The following SIGLECL1 variants were observed in gnomAD, a reference collection of about 807,000 sequenced individuals.
SIGLECL1 encodes SIGLEC family-like protein 1.
A neutral mutation model predicts 19.1 loss-of-function variants in SIGLECL1; 16 were observed. That is an observed-to-expected ratio of 0.84 (90% confidence interval 0.57 to 1.27). The LOEUF is 1.27. SIGLECL1 is among the 50% of genes most tolerant of loss of function. SIGLECL1 has a pLI of 0.00. For synonymous variants in SIGLECL1, 89 were observed against 90.4 expected (o/e 0.98, Z 0.09); for missense variants, 210 against 239.4 (o/e 0.88, Z 0.81).
rs116184534 is a variant in SIGLECL1, at chr19:51,264,803, G to C, written c.23-565G>C. 6.4e-3 allele frequency among the ~76,000 whole-genome samples: 982 copies of C among 152,282 alleles called. 12 individuals carry two copies. Among genetic ancestry groups the C allele is most frequent in the African/African-American group, 0.022 (925 of 41,548 alleles). Reference sequence around the variant, plus strand: ...GTTCCACCAAAGACCACTTGAGACCGGGAAGAAGGAAATTAAGAAAGGTGT... The same window carrying C: ...GTTCCACCAAAGACCACTTGAGACCCGGAAGAAGGAAATTAAGAAAGGTGT... On this transcript the variant is annotated intron_variant, in intron 2 of 5. Transcript: ENST00000601727.
upstream of SIGLECL1, among the ~76,000 whole-genome samples, chr19:51,250,851 A>T (rs1568440945): frequency 6.6e-6 from 1 of 152,218 alleles, no homozygotes. Context: ...GCAGCCGTGC[A>T]TCAGCTCCCA....
chr19:51,246,382 T>C (rs1982257435), upstream of SIGLECL1: 1 of 152,234 alleles, frequency 6.6e-6, no homozygotes, highest in Non-Finnish European at 1.5e-5. Flanking sequence ...CATGGGGCTT[T>C]GCGCAAGGAT....
At chr19:51,247,713 C>G (rs187464602), upstream of SIGLECL1, among the ~76,000 whole-genome samples, 222 of 152,228 alleles carry the variant, frequency 1.5e-3, 2 homozygotes, top group African/African-American at 4.9e-3. Context: ...CCACCGTGTC[C>G]GGCCGTTGCC....
chr19:51,249,495 A>C (rs751372284), upstream of SIGLECL1, among the ~76,000 whole-genome samples: 4 of 152,154 alleles, frequency 2.6e-5, no homozygotes, highest in Non-Finnish European at 5.9e-5. Context: ...AAATAAGGCA[A>C]GATTTTATCC....
intron 2 of SIGLECL1, 23 bp downstream of exon 2, chr19:51,264,117 C>G: frequency 6.2e-7 from 1 of 1,613,748 alleles, no homozygotes; most frequent in South Asian, 1.1e-5. Context: ...AGAAGCAGCA[C>G]TGGAGGTGTG....
At position 51,264,308 on chromosome 19, in the gene SIGLECL1, G is replaced by A. The variant is rs1983474234; in HGVS notation, c.22+214G>A. 5.7e-6 allele frequency: 3 copies of A among 530,100 alleles called. No individual in the cohort carries two copies. The South Asian group carries it at 6.9e-5, about 12-fold the overall frequency. 32.8% of individuals were successfully genotyped at this position (530,100 alleles called of 1,614,324 possible). On this transcript the variant is annotated intron_variant, in intron 2 of 5. Transcript: ENST00000601727. ...AGCAAATAGCAAATTGGGCAAGGGAGAGGGATGGAGAGTGTAGGTGCTATG... is the reference window on the plus strand; with the variant it reads ...AGCAAATAGCAAATTGGGCAAGGGAAAGGGATGGAGAGTGTAGGTGCTATG...
At chr19:51,258,092 C>T (rs1445834753) in intron 1 of SIGLECL1, among the ~76,000 whole-genome samples, 1 of 152,182 alleles carries the variant, frequency 6.6e-6, no homozygotes, top group Non-Finnish European at 1.5e-5. Context: ...AAACAGTAAT[C>T]ACGAGTATAA....
rs149745750 is a variant in SIGLECL1, at chr19:51,254,964, A to T, written c.-191+3419A>T. Among the ~76,000 whole-genome samples the T allele has an allele frequency of 4.5e-3, 682 of 152,312 alleles. 5 individuals carry two copies. Among genetic ancestry groups the T allele is most frequent in the African/African-American group, 0.016 (659 of 41,556 alleles). On this transcript the variant is annotated intron_variant, in intron 1 of 5. Transcript: ENST00000601727. ...TACAAAAATAAACTCAAAATGGGTT[A>T]AAGACTTAAATATAGCCAGGCGCAG...
At chr19:51,268,315 A>G (rs1031558848) in intron 5 of SIGLECL1, among the ~76,000 whole-genome samples, 2 of 152,082 alleles carry the variant, frequency 1.3e-5, no homozygotes, top group African/African-American at 2.4e-5. Flanking sequence ...TACCTGAGGA[A>G]GTCAGGCAAG....
chr19:51,265,300 G>C, intron 2 of SIGLECL1, 68 bp from the exon 3 acceptor site: 1 of 1,503,558 alleles, frequency 6.7e-7, no homozygotes, highest in Non-Finnish European at 9.0e-7. Flanking sequence ...AGAGAAGGCT[G>C]CATGCTGGAG....
Position 51,268,710 on chromosome 19 carries a change from C to T in SIGLECL1, c.*113C>T. On this transcript the variant is annotated 3_prime_UTR_variant, in exon 6 of 6. Coordinates refer to ENST00000601727, the MANE Select transcript of SIGLECL1 (RefSeq NM_001385465.1). Reference sequence around the variant, plus strand: ...GGAGGCTGTAATAAACCTGGAGCCCCCTGGACTCTCCTCAGCTCACAAAAC... The same window carrying T: ...GGAGGCTGTAATAAACCTGGAGCCCTCTGGACTCTCCTCAGCTCACAAAAC... 1 of 969,584 alleles carries T rather than the reference C, an allele frequency of 1.0e-6. No homozygotes were observed. Among genetic ancestry groups the T allele is most frequent in the Non-Finnish European group, 1.6e-6 (1 of 642,522 alleles). 60.1% of individuals were successfully genotyped at this position (969,584 alleles called of 1,614,324 possible).
intron 1 of SIGLECL1, among the ~76,000 whole-genome samples, chr19:51,255,623 G>A (rs538773350): frequency 6.6e-6 from 1 of 152,168 alleles, no homozygotes; most frequent in South Asian, 2.1e-4. Flanking sequence ...TAAAAAATGG[G>A]CAAGGACCTG....
At chr19:51,268,387 C>G (rs534425867) in intron 5 of SIGLECL1, among the ~76,000 whole-genome samples, 184 bp from the exon 6 acceptor site, 1 of 152,158 alleles carries the variant, frequency 6.6e-6, no homozygotes, top group East Asian at 1.9e-4. Flanking sequence ...CAGAGAGGAC[C>G]AGATGGAGAA....
At chr19:51,255,252 C>A (rs1201443917) in intron 1 of SIGLECL1, among the ~76,000 whole-genome samples, 3 of 146,342 alleles carry the variant, frequency 2.0e-5, no homozygotes, top group Admixed American at 7.0e-5. Flanking sequence ...AGAGTGGGGA[C>A]CCTGTCTCAA....
chr19:51,250,266 T>C (rs1982409829), upstream of SIGLECL1, among the ~76,000 whole-genome samples: 1 of 152,156 alleles, frequency 6.6e-6, no homozygotes, highest in Non-Finnish European at 1.5e-5. Context: ...TTTGTATTTT[T>C]AGTAGACAGG....
chr19:51,260,400 G>T (rs1432623032), intron 1 of SIGLECL1, among the ~76,000 whole-genome samples: 1 of 152,156 alleles, frequency 6.6e-6, no homozygotes, highest in East Asian at 1.9e-4. Flanking sequence ...TTATTTGTAA[G>T]AATGGTCCAT....
At chr19:51,255,052 G>T (rs924353239) in intron 1 of SIGLECL1, among the ~76,000 whole-genome samples, 1 of 152,118 alleles carries the variant, frequency 6.6e-6, no homozygotes, top group African/African-American at 2.4e-5. Flanking sequence ...TTGATGCCAG[G>T]AGTTTGAGAC....
At chr19:51,263,807 C>T in intron 1 of SIGLECL1, 76 bp from the exon 2 acceptor site, 1 of 381,766 alleles carries the variant, frequency 2.6e-6, no homozygotes, top group East Asian at 4.7e-5. Context: ...ACTGAGGCTT[C>T]ACAGACAATC....
rs1427931948 is a variant in SIGLECL1 at position 51,265,647 on chromosome 19, C to G, written c.302C>G (p.Ser101Ter). The G allele has an allele frequency of 6.2e-7, 1 of 1,612,650 alleles. No individual in the cohort carries two copies. The change falls in exon 3 of 6, where the codon TCA (serine) becomes TGA (stop). Residue 101 changes from serine to a stop codon, truncating the protein, a stop_gained and splice_region_variant. Coordinates refer to ENST00000601727, the MANE Select transcript of SIGLECL1 (RefSeq NM_001385465.1). LOFTEE classifies it high-confidence loss of function. ...CATGCTTTGAGCATCCTACTGATGTCAAGTGAGGGTGGAGGGGGCTCGGTG... is the reference window on the plus strand; with the variant it reads ...CATGCTTTGAGCATCCTACTGATGTGAAGTGAGGGTGGAGGGGGCTCGGTG... ...GTHALSILLM[S>*]RKSSLAAQAF...
Sources: allele counts gnomAD v4.1 joint callset (sites outside exome capture counted in the v4.1 genomes callset), GRCh38; gene constraint gnomAD v4.1.1; transcripts MANE v1.5; gene names NCBI Gene and HGNC (gene_info 2026-07-23, HGNC 2026-07-21).